The following AKAP19 variants were observed in gnomAD, a reference collection of about 807,000 sequenced individuals.
The protein encoded by AKAP19 is small A-kinase anchoring protein.
the AKAP19 span, among the ~76,000 whole-genome samples, chr2:190,001,915 A>G: frequency 1.1e-4 from 16 of 152,244 alleles, no homozygotes; most frequent in African/African-American, 3.1e-4. Flanking sequence ...ACGTAGAGTC[A>G]AGCCATTGGC....
the AKAP19 span, among the ~76,000 whole-genome samples, chr2:190,042,604 T>G: frequency 6.6e-6 from 1 of 152,180 alleles, no homozygotes; most frequent in Non-Finnish European, 1.5e-5. Context: ...GTTGTGAAGT[T>G]AGGTTGTTAA....
chr2:189,960,501 T>A, the AKAP19 span, among the ~76,000 whole-genome samples: 1 of 152,170 alleles, frequency 6.6e-6, no homozygotes, highest in African/African-American at 2.4e-5. Context: ...TACACACTTT[T>A]ATTTCTTATC....
chr2:190,074,690 C>T, the AKAP19 span, among the ~76,000 whole-genome samples: 3 of 150,862 alleles, frequency 2.0e-5, no homozygotes, highest in Non-Finnish European at 4.4e-5. Flanking sequence ...AAAAGTAGAT[C>T]AAATCATATA....
At chr2:189,961,332 C>G in the AKAP19 span, among the ~76,000 whole-genome samples, 1 of 152,144 alleles carries the variant, frequency 6.6e-6, no homozygotes, top group Non-Finnish European at 1.5e-5. Flanking sequence ...AAGACTAACT[C>G]AGTTATGCCA....
chr2:190,165,741 T>TGAACA, the AKAP19 span, among the ~76,000 whole-genome samples: 1 of 152,188 alleles, frequency 6.6e-6, no homozygotes, highest in Non-Finnish European at 1.5e-5. Context: ...AGATAATAGC[T>TGAACA]GAACAGTATT....
the AKAP19 span, among the ~76,000 whole-genome samples, chr2:190,190,730 A>C: frequency 3.3e-5 from 5 of 152,198 alleles, no homozygotes; most frequent in Non-Finnish European, 5.9e-5. Flanking sequence ...AAATTTTAGC[A>C]ATCTTAGTGT....
At chr2:189,888,124 A>G in the AKAP19 span, among the ~76,000 whole-genome samples, 1 of 152,000 alleles carries the variant, frequency 6.6e-6, no homozygotes, top group Non-Finnish European at 1.5e-5. Context: ...ATCTTGAGTT[A>G]ATTTTTGTAT....
chr2:189,963,340 G>T, the AKAP19 span, among the ~76,000 whole-genome samples: 3 of 144,794 alleles, frequency 2.1e-5, no homozygotes, highest in Non-Finnish European at 4.6e-5. Flanking sequence ...GACTACAGGC[G>T]CCCACCACCA....
the AKAP19 span, among the ~76,000 whole-genome samples, chr2:190,147,135 TC>T: frequency 2.6e-5 from 4 of 152,240 alleles, no homozygotes; most frequent in Admixed American, 6.5e-5. Flanking sequence ...TAGTTTCAGG[TC>T]TTAGTTTAAG....
At chr2:190,004,861 G>A in the AKAP19 span, among the ~76,000 whole-genome samples, 1 of 152,116 alleles carries the variant, frequency 6.6e-6, no homozygotes, top group Non-Finnish European at 1.5e-5. Context: ...ACTGTTGTAG[G>A]TTCAGTTGCT....
chr2:190,004,279 T>TA, the AKAP19 span, among the ~76,000 whole-genome samples: 18 of 145,940 alleles, frequency 1.2e-4, no homozygotes, highest in South Asian at 4.4e-4. Flanking sequence ...ATAATAATAA[T>TA]AAAAAAAAAC....
At chr2:190,131,408 T>C in the AKAP19 span, among the ~76,000 whole-genome samples, 2 of 152,214 alleles carry the variant, frequency 1.3e-5, no homozygotes, top group Non-Finnish European at 2.9e-5. Flanking sequence ...GAGTTGCTTC[T>C]GGACAGCAGA....
the AKAP19 span, among the ~76,000 whole-genome samples, chr2:189,975,423 T>G: frequency 6.6e-6 from 1 of 152,198 alleles, no homozygotes; most frequent in Non-Finnish European, 1.5e-5. Flanking sequence ...GTTTTTTCCT[T>G]CATTTCAACT....
At chr2:190,145,729 A>G in the AKAP19 span, among the ~76,000 whole-genome samples, 1 of 151,956 alleles carries the variant, frequency 6.6e-6, no homozygotes, top group African/African-American at 2.4e-5. Context: ...AGTTCACACA[A>G]TGACTGAATC....
At chr2:189,905,911 TA>T in the AKAP19 span, among the ~76,000 whole-genome samples, 1 of 152,072 alleles carries the variant, frequency 6.6e-6, no homozygotes, top group Non-Finnish European at 1.5e-5. Context: ...CATTTTCCTC[TA>T]ATTTGAATTG....
the AKAP19 span, among the ~76,000 whole-genome samples, chr2:190,190,437 A>G: frequency 3.3e-5 from 5 of 152,160 alleles, no homozygotes; most frequent in Non-Finnish European, 5.9e-5. Flanking sequence ...TAATTTGTTT[A>G]TCCATTTGAT....
the AKAP19 span, among the ~76,000 whole-genome samples, chr2:189,922,514 C>G: frequency 6.6e-6 from 1 of 152,278 alleles, no homozygotes; most frequent in African/African-American, 2.4e-5. Context: ...TGCAATTATG[C>G]CTACTCACAA....
chr2:190,142,706 G>A, the AKAP19 span, among the ~76,000 whole-genome samples: 4 of 152,210 alleles, frequency 2.6e-5, no homozygotes, highest in Non-Finnish European at 5.9e-5. Context: ...TGATACCAGC[G>A]GGCTGGGGGA....
chr2:189,936,596 T>C, the AKAP19 span, among the ~76,000 whole-genome samples: 3 of 152,208 alleles, frequency 2.0e-5, no homozygotes, highest in African/African-American at 7.2e-5. Flanking sequence ...GGATATTCTG[T>C]AGGATATTTC....
Sources: gnomAD v4.1 joint callset for allele counts (sites outside exome capture counted in the v4.1 genomes callset) on GRCh38, gnomAD v4.1.1 for gene constraint, MANE v1.5 for transcripts, NCBI Gene and HGNC (gene_info 2026-07-23, HGNC 2026-07-21) for gene names.